The following ZNF721 variants were observed in gnomAD, a reference collection of about 807,000 sequenced individuals.
ZNF721 encodes the protein zinc finger protein 721.
ZNF721 carries 2 observed loss-of-function variants against 2.4 expected under a neutral mutation model. The ratio of observed to expected loss-of-function variants is 0.82; its 90% CI spans 0.34 to 2.58. The LOEUF is 2.58. Ranked by LOEUF, ZNF721 falls within the 30% of genes most tolerant of loss-of-function variation. The pLI, the probability that ZNF721 is intolerant of heterozygous loss-of-function variation, is 0.11. For missense variants in ZNF721, 1,187 were observed against 1,085.5 expected, an observed-to-expected ratio of 1.09 and a Z score of -1.31; for synonymous variants, 398 against 381.8, an observed-to-expected ratio of 1.04 and a Z score of -0.50.
At chr4:482,344 T>C (rs1197011456) in intron 1 of ZNF721, among the ~76,000 whole-genome samples, 2 of 152,106 alleles carry the variant, frequency 1.3e-5, no homozygotes, top group Non-Finnish European at 2.9e-5. Flanking sequence ...TTTGTATTTT[T>C]AGTAGAGAGG....
chr4:484,289 G>A (rs748969539), intron 1 of ZNF721, among the ~76,000 whole-genome samples: 13 of 151,980 alleles, frequency 8.6e-5, no homozygotes, highest in East Asian at 1.9e-4. Flanking sequence ...GATGTATATC[G>A]CCTCAGGACC....
intron 2 of ZNF721, among the ~76,000 whole-genome samples, chr4:451,948 G>A (rs886890485): frequency 2.6e-5 from 4 of 152,220 alleles, no homozygotes; most frequent in African/African-American, 9.6e-5. Context: ...TTGGCTGTCT[G>A]TGAGGTGCTG....
At chr4:454,523 T>C (rs1714784200) in intron 2 of ZNF721, among the ~76,000 whole-genome samples, 1 of 152,190 alleles carries the variant, frequency 6.6e-6, no homozygotes, top group Admixed American at 6.5e-5. Context: ...TATGTGTATA[T>C]CCCTGACAAT....
chr4:454,349 T>A (rs1714770694), intron 2 of ZNF721, among the ~76,000 whole-genome samples: 1 of 152,186 alleles, frequency 6.6e-6, no homozygotes, highest in South Asian at 2.1e-4. Flanking sequence ...ATTAAAATAT[T>A]AAGTTTACAT....
chr4:467,223 A>AAACAAAC (rs1553866869), intron 2 of ZNF721, among the ~76,000 whole-genome samples: 3 of 151,138 alleles, frequency 2.0e-5, no homozygotes, highest in Admixed American at 6.6e-5. Flanking sequence ...TCTCAAAAAA[A>AAACAAAC]AAACAAACAA....
At chr4:464,774 CT>C (rs556105145) in intron 2 of ZNF721, among the ~76,000 whole-genome samples, 1 of 152,080 alleles carries the variant, frequency 6.6e-6, no homozygotes, top group East Asian at 1.9e-4. Flanking sequence ...GCTATTTAGT[CT>C]TTTTTTAAAA....
intron 1 of ZNF721, among the ~76,000 whole-genome samples, chr4:494,613 G>T (rs1156475315): frequency 6.6e-6 from 1 of 152,130 alleles, no homozygotes; most frequent in Non-Finnish European, 1.5e-5. Flanking sequence ...CATAAGAAAG[G>T]AAACAACTCA....
chr4:470,124 C>T (rs1472991515), intron 2 of ZNF721, among the ~76,000 whole-genome samples: 1 of 152,160 alleles, frequency 6.6e-6, no homozygotes, highest in Non-Finnish European at 1.5e-5. Context: ...CCTCGTGATC[C>T]ACCTGCCTCT....
chr4:444,391 C>T lies in ZNF721; in HGVS notation c.76G>A (p.Gly26Arg). ...AGTTTGTGGAATGAATCTTCTATCC[C>T]CTGCACTGGCAAAAAGTCTTGGGTG... ...HFTQDFLPVQ[G>R]IEDSFHKLIL... is the part of the protein sequence containing the mutation. Residue 26 changes from glycine to arginine, a missense_variant, in exon 3 of 3, where the codon GGG (glycine) becomes AGG (arginine). Gly to Arg is a moderately radical substitution (Grantham distance 125). Coordinates refer to ENST00000511833, the MANE Select transcript of ZNF721 (RefSeq NM_133474.4). 1.3e-6 allele frequency: 2 copies of T among 1,599,406 alleles called. No homozygotes were observed. The highest frequency in any genetic ancestry group is 2.3e-5 in the South Asian group (2 of 88,190).
chr4:453,599 TG>T (rs1366476007), intron 2 of ZNF721: 1 of 152,220 alleles, frequency 6.6e-6, no homozygotes, highest in Non-Finnish European at 1.5e-5. Flanking sequence ...TCAGCACATG[TG>T]TCTTTGTATC....
rs1353306081 is a variant in ZNF721, at chr4:499,062, G to C, written c.-100C>G. 1 of 526,706 alleles carries C rather than the reference G, an allele frequency of 1.9e-6. No individual in the cohort carries two copies. The highest frequency in any genetic ancestry group is 3.3e-6 in the Non-Finnish European group (1 of 300,306). 32.6% of individuals were successfully genotyped at this position (526,706 alleles called of 1,614,324 possible). A position where few individuals can be genotyped will look rare whatever the true frequency, so the allele number is the denominator to read the frequency against. On this transcript the variant is annotated 5_prime_UTR_variant, in exon 1 of 3. Transcript: ENST00000511833. ...ACTTTTTAAAACCTCGTACCTCGCC[G>C]TGGGCGGCGACCGTCGCGGACTCGC...
rs1307364153 is a variant in ZNF721 at position 450,951 on chromosome 4, AAAAAAATATATATATATATATATATAT to A, written c.35-6546_35-6520del. ...GACTCTGTCTCCAAAAAAAAAAAAAAAAAAAATATATATATATATATATATATATATATATATATATATATCCCAAAA... is the reference window on the plus strand; with the variant it reads ...GACTCTGTCTCCAAAAAAAAAAAAAAATATATATATATATATATCCCAAAA... On this transcript the variant is annotated intron_variant, in intron 2 of 2. Coordinates refer to ENST00000511833, the MANE Select transcript of ZNF721 (RefSeq NM_133474.4). Among the ~76,000 whole-genome samples, 260 of 50,214 alleles carry A rather than the reference AAAAAAATATATATATATATATATATAT, an allele frequency of 5.2e-3. 6 individuals are homozygous for A. Among genetic ancestry groups the A allele is most frequent in the South Asian group, 0.013 (17 of 1,314 alleles). The allele number at this position is 50,214 out of a possible 152,430, so 32.9% of individuals were successfully genotyped here.
At position 443,829 on chromosome 4, in the gene ZNF721, T is replaced by G. The variant is rs781818614; in HGVS notation, c.638A>C (p.Lys213Thr). Residue 213 changes from lysine to threonine, a missense_variant, in exon 3 of 3, where the codon AAA (lysine) becomes ACA (threonine). Coordinates refer to ENST00000511833, the MANE Select transcript of ZNF721 (RefSeq NM_133474.4). ...GWSTNLNEYKKIHTGDKPYKC... is the reference protein window; with the variant it reads ...GWSTNLNEYKTIHTGDKPYKC... ...GTAGGGTTTATCTCCAGTATGAATT[T>G]TCTTATATTCATTCAGGTTTGTGGA... The G allele has an allele frequency of 7.4e-6, 12 of 1,613,800 alleles. No individual in the cohort carries two copies. The highest frequency in any genetic ancestry group is 1.0e-5 in the Non-Finnish European group (12 of 1,179,908).
At position 443,162 on chromosome 4, in the gene ZNF721, A is replaced by G. The variant is rs1553863564; in HGVS notation, c.1305T>C (p.Tyr435=). The stretch of plus-strand genomic sequence containing the variant: ...GTTTATCTCCAGTATGAATTTTCTT[A>G]TATTCATTCAGGTTTGTGGACAATC... ...AFGLSTNLNE[Y]KKIHTGDKPY... Residue 435 remains tyrosine (Y), a synonymous_variant, in exon 3 of 3, where the codon TAT becomes TAC. Transcript: ENST00000511833. The G allele has an allele frequency of 6.2e-7, 1 of 1,613,470 alleles. No homozygotes were observed. The highest frequency in any genetic ancestry group is 1.3e-5 in the African/African-American group (1 of 74,742).
chr4:488,518 T>C (rs1553870966), intron 1 of ZNF721, among the ~76,000 whole-genome samples: 1 of 152,160 alleles, frequency 6.6e-6, no homozygotes, highest in Non-Finnish European at 1.5e-5. Flanking sequence ...CATCATTCCT[T>C]GTTTACTGTA....
intron 2 of ZNF721, among the ~76,000 whole-genome samples, chr4:449,862 C>T (rs1714591233): frequency 6.6e-6 from 1 of 152,082 alleles, no homozygotes; most frequent in Admixed American, 6.5e-5. Context: ...TACCACTTCA[C>T]TCCAATTAGA....
intron 1 of ZNF721, among the ~76,000 whole-genome samples, chr4:480,690 A>G (rs769500539): frequency 6.6e-6 from 1 of 152,134 alleles, no homozygotes; most frequent in Non-Finnish European, 1.5e-5. Flanking sequence ...TGAATGTCCT[A>G]AAGTTTTATA....
At chr4:463,479 T>G (rs1381619157) in intron 2 of ZNF721, among the ~76,000 whole-genome samples, 2 of 152,164 alleles carry the variant, frequency 1.3e-5, no homozygotes, top group Non-Finnish European at 2.9e-5. Context: ...CAGCACTGTT[T>G]ACAGTAGCAA....
chr4:442,047 T>C lies in ZNF721; in HGVS notation c.2420A>G (p.Lys807Arg), dbSNP rs368506813. 6.2e-7 allele frequency: 1 copy of C among 1,613,988 alleles called. No homozygotes were observed. Among genetic ancestry groups the C allele is most frequent in the Non-Finnish European group, 8.5e-7 (1 of 1,179,862 alleles). The stretch of plus-strand genomic sequence containing the variant: ...ACCACATTCTAAACATTTAAAGGGT[T>C]TCTCACCTGTATGAATCCTCTTATG... ...AKHKRIHTGE[K>R]PFKCLECGKA... The change falls in exon 3 of 3, where the codon AAA becomes AGA. Residue 807 changes from lysine to arginine, a missense_variant. Transcript: ENST00000511833.
Sources: gnomAD v4.1 joint callset for allele counts (sites outside exome capture counted in the v4.1 genomes callset) on GRCh38, gnomAD v4.1.1 for gene constraint, MANE v1.5 for transcripts, NCBI Gene and HGNC (gene_info 2026-07-23, HGNC 2026-07-21) for gene names.